TMEM232: variants seen among roughly 807,000 people sequenced by gnomAD.
The protein encoded by TMEM232 is transmembrane protein 232.
TMEM232 carries 80 observed loss-of-function variants against 78.8 expected under a neutral mutation model. That is an observed-to-expected ratio of 1.01 (90% CI 0.85 to 1.22). TMEM232 has a LOEUF of 1.22. Among genes scored for constraint, TMEM232 ranks in the 50% most tolerant of loss-of-function variants. The pLI is 0.00. For missense variants in TMEM232, 881 were observed against 742.2 expected (o/e 1.19, Z -2.17); for synonymous variants, 297 against 254.3 (o/e 1.17, Z -1.60).
intron 10 of TMEM232, among the ~76,000 whole-genome samples, 181 bp from the exon 11 acceptor site, chr5:110,568,806 T>C (rs1205071871): frequency 1.3e-5 from 2 of 151,904 alleles, no homozygotes; most frequent in Admixed American, 6.6e-5. Flanking sequence ...TTAAAACAGA[T>C]CACAGATCAT....
intron 1 of TMEM232, among the ~76,000 whole-genome samples, chr5:110,721,887 A>T (rs1458678875): frequency 1.3e-5 from 2 of 151,546 alleles, no homozygotes; most frequent in Non-Finnish European, 2.9e-5. Context: ...CAGCTATGGG[A>T]GAGAAGCAGA....
chr5:110,708,542 TAGAC>T (rs986293613), intron 1 of TMEM232, among the ~76,000 whole-genome samples: 5 of 152,162 alleles, frequency 3.3e-5, no homozygotes, highest in African/African-American at 1.2e-4. Context: ...TTTTGAGACA[TAGAC>T]AGTATAGTAA....
intron 10 of TMEM232, among the ~76,000 whole-genome samples, chr5:110,599,021 AAAAAG>A (rs1274422902): frequency 6.6e-6 from 1 of 151,748 alleles, no homozygotes; most frequent in Non-Finnish European, 1.5e-5. Flanking sequence ...TAATAATAAA[AAAAAG>A]AAAAGAATTT....
chr5:110,520,050 T>TATATATATATAGAG (rs374219408), intron 12 of TMEM232, among the ~76,000 whole-genome samples: 14 of 147,254 alleles, frequency 9.5e-5, no homozygotes, highest in African/African-American at 3.3e-4. Flanking sequence ...TATATATATA[T>TATATATATATAGAG]AGAGAGAGAG....
intron 13 of TMEM232, among the ~76,000 whole-genome samples, chr5:110,422,342 C>T (rs1284486909): frequency 2.0e-5 from 3 of 150,982 alleles, no homozygotes; most frequent in Non-Finnish European, 4.4e-5. Context: ...GGTGAAACGC[C>T]GTCTCTACTA....
downstream of TMEM232, chr5:110,417,695 G>A (rs886238655): frequency 1.4e-5 from 2 of 141,100 alleles, no homozygotes; most frequent in South Asian, 2.2e-4. Flanking sequence ...AGAAAAGAAA[G>A]GAGAGTTAAC....
At chr5:110,431,582 C>T (rs1050892767) in intron 12 of TMEM232, among the ~76,000 whole-genome samples, 1 of 151,568 alleles carries the variant, frequency 6.6e-6, no homozygotes, top group African/African-American at 2.4e-5. Context: ...ATCTCACACA[C>T]AGAAGGTTTA....
At chr5:110,415,333 G>A (rs889959453), downstream of TMEM232, among the ~76,000 whole-genome samples, 14 of 151,612 alleles carry the variant, frequency 9.2e-5, no homozygotes, top group Non-Finnish European at 4.4e-5. Flanking sequence ...GACTACAGGC[G>A]CCTGCCACCA....
chr5:110,482,187 C>T (rs1763941498), intron 12 of TMEM232, among the ~76,000 whole-genome samples: 1 of 151,880 alleles, frequency 6.6e-6, no homozygotes, highest in African/African-American at 2.4e-5. Flanking sequence ...AATAAAGCTC[C>T]AATTAGAGAC....
At chr5:110,637,595 C>A (rs1211515773) in intron 5 of TMEM232, among the ~76,000 whole-genome samples, 1 of 150,736 alleles carries the variant, frequency 6.6e-6, no homozygotes, top group African/African-American at 2.5e-5. Context: ...ATATAAAAAA[C>A]CATCTTAAAA....
At chr5:110,510,045 A>G (rs1433058863) in intron 12 of TMEM232, among the ~76,000 whole-genome samples, 1 of 151,964 alleles carries the variant, frequency 6.6e-6, no homozygotes, top group Non-Finnish European at 1.5e-5. Context: ...TTTTCCATAT[A>G]TTGAATGGTG....
rs368033562 is a variant in TMEM232 at position 110,618,479 on chromosome 5, G to A, written c.852C>T (p.Asn284=). ...CVQNNSPQLN[N]VLEHLVFHKT... ...TATGGAAGACGAGATGTTCAAGCAC[G>A]TTATTCAACTGAGGACTGTTATTCT... The change falls in exon 8 of 14, where the codon AAC becomes AAT. Residue 284 remains asparagine, a synonymous_variant. Coordinates refer to ENST00000455884, the MANE Select transcript of TMEM232 (RefSeq NM_001039763.4). 15 of 1,551,488 alleles carry A rather than the reference G, an allele frequency of 9.7e-6. No individual in the cohort carries two copies. The highest frequency in any genetic ancestry group is 1.2e-5 in the Non-Finnish European group (14 of 1,146,852).
chr5:110,603,876 T>C (rs1392693344), intron 10 of TMEM232, among the ~76,000 whole-genome samples: 1 of 152,160 alleles, frequency 6.6e-6, no homozygotes, highest in Admixed American at 6.5e-5. Context: ...TTTTTGAGAA[T>C]GAAATGTGTA....
chr5:110,414,092 G>C (rs1362474876), intron 2 of TMEM232, among the ~76,000 whole-genome samples: 1 of 152,132 alleles, frequency 6.6e-6, no homozygotes, highest in Non-Finnish European at 1.5e-5. Context: ...TGATAGTTTG[G>C]GGAATGCTCT....
At chr5:110,434,860 C>G (rs1758250368) in intron 12 of TMEM232, among the ~76,000 whole-genome samples, 1 of 151,850 alleles carries the variant, frequency 6.6e-6, no homozygotes, top group African/African-American at 2.4e-5. Context: ...TTGATCATAG[C>G]CATTCATCAA....
chr5:110,706,826 G>A (rs772951804), intron 1 of TMEM232, among the ~76,000 whole-genome samples: 14 of 152,096 alleles, frequency 9.2e-5, no homozygotes, highest in Non-Finnish European at 1.6e-4. Flanking sequence ...TTCACATAAT[G>A]AAAAGAAATA....
chr5:110,425,812 CTT>C (rs1272694148), intron 12 of TMEM232, among the ~76,000 whole-genome samples: 2 of 152,186 alleles, frequency 1.3e-5, no homozygotes, highest in African/African-American at 4.8e-5. Flanking sequence ...CCACTTTACT[CTT>C]GTCTCTATAC....
At chr5:110,527,317 C>T (rs1770742200) in intron 12 of TMEM232, among the ~76,000 whole-genome samples, 1 of 151,772 alleles carries the variant, frequency 6.6e-6, no homozygotes, top group African/African-American at 2.4e-5. Flanking sequence ...AGTGAGTTTA[C>T]ATATTAATCC....
At chr5:110,656,429 T>C (rs1272176773) in intron 2 of TMEM232, among the ~76,000 whole-genome samples, 1 of 152,302 alleles carries the variant, frequency 6.6e-6, no homozygotes, top group East Asian at 1.9e-4. Flanking sequence ...TGAGTTAGTT[T>C]GAACGTGTGC....
Sources: allele counts gnomAD v4.1 joint callset (sites outside exome capture counted in the v4.1 genomes callset), GRCh38; gene constraint gnomAD v4.1.1; transcripts MANE v1.5; gene names NCBI Gene and HGNC (gene_info 2026-07-23, HGNC 2026-07-21).